Variants in ALG9 observed in about 807,000 individuals in gnomAD.
The protein encoded by ALG9 is alpha-1,2-mannosyltransferase ALG9.
A neutral mutation model predicts 81.8 loss-of-function variants in ALG9; 55 were observed. That is an observed-to-expected ratio of 0.67 (90% CI 0.54 to 0.84). ALG9 has a LOEUF of 0.84. ALG9 is among the 40% of genes least tolerant of loss of function. The pLI is 0.00. For synonymous variants in ALG9, 278 were observed against 274.3 expected (o/e 1.01, Z -0.13); for missense variants, 629 against 745.0 (o/e 0.84, Z 1.81).
At chr11:111,777,613 G>A (rs1488513446), downstream of ALG9, among the ~76,000 whole-genome samples, 1 of 151,752 alleles carries the variant, frequency 6.6e-6, no homozygotes, top group Non-Finnish European at 1.5e-5. Flanking sequence ...CTGTTTTCTA[G>A]AATATTCCCA....
the ALG9 span, among the ~76,000 whole-genome samples, chr11:111,773,117 G>A: frequency 2.0e-5 from 3 of 152,002 alleles, no homozygotes; most frequent in African/African-American, 7.3e-5. Context: ...TATTACAAAG[G>A]GCTCACTGAA....
In ALG9 at chr11:111,870,296, C is replaced by A; in HGVS notation, c.206G>T (p.Arg69Met). The part of the protein sequence containing the change: ...STAFKCLLSA[R>M]LCAALLSNIS... ...GTTGCTCAGGAGAGCAGCACATAAC[C>A]TTGCTGAAAGCAGACACTTGAAAGC... is the stretch of plus-strand genomic sequence containing the variant. The change falls in exon 2 of 15, where the codon AGG becomes ATG. Residue 69 changes from arginine (R) to methionine (M), a missense_variant. Physicochemically the swap from Arg to Met is moderately conservative, Grantham distance 91 (BLOSUM62 -1). Around this residue, in one of 3 missense-constraint regions of ALG9, gnomAD observed 344 missense variants for 390.5 expected, o/e 0.88. Transcript: ENST00000616540. The A allele has an allele frequency of 6.2e-7, 1 of 1,609,244 alleles. No homozygotes were observed.
At chr11:111,796,979 T>C (rs1555075850) in intron 14 of ALG9, among the ~76,000 whole-genome samples, 1 of 152,212 alleles carries the variant, frequency 6.6e-6, no homozygotes, top group Non-Finnish European at 1.5e-5. Flanking sequence ...AATAAGAAGT[T>C]GCAGATGGAA....
At chr11:111,803,140 T>A (rs1555081909) in intron 14 of ALG9, among the ~76,000 whole-genome samples, 1 of 152,202 alleles carries the variant, frequency 6.6e-6, no homozygotes, top group Non-Finnish European at 1.5e-5. Flanking sequence ...TTTGTGGATG[T>A]TGACAAACTG....
intron 14 of ALG9, among the ~76,000 whole-genome samples, chr11:111,797,380 C>T (rs2136280663): frequency 6.6e-6 from 1 of 152,362 alleles, no homozygotes; most frequent in South Asian, 2.1e-4. Flanking sequence ...CAGCTGAGAT[C>T]TAGCCAAGAG....
At chr11:111,851,495 AGAG>A (rs1225633305) in intron 8 of ALG9, among the ~76,000 whole-genome samples, 2 of 143,144 alleles carry the variant, frequency 1.4e-5, no homozygotes, top group African/African-American at 5.2e-5. Context: ...AAAAAAAAAA[AGAG>A]AGAGAGAGAT....
the ALG9 span, among the ~76,000 whole-genome samples, chr11:111,771,807 A>C: frequency 6.6e-6 from 1 of 152,236 alleles, no homozygotes; most frequent in Non-Finnish European, 1.5e-5. Flanking sequence ...GTATTTATGC[A>C]AAGTATGTCA....
intron 14 of ALG9, among the ~76,000 whole-genome samples, chr11:111,791,860 G>A (rs140325077): frequency 0.054 from 8,221 of 152,320 alleles, 746 homozygotes; most frequent in African/African-American, 0.19. Flanking sequence ...GGGAGGCCAA[G>A]GCGGGTGAAT....
chr11:111,864,569 C>T, intron 4 of ALG9: 1 of 554,908 alleles, frequency 1.8e-6, no homozygotes, highest in Non-Finnish European at 3.3e-6. Context: ...AGCACATGTG[C>T]TGTAATATAC....
intron 14 of ALG9, among the ~76,000 whole-genome samples, chr11:111,790,175 T>TA (rs1555069193): frequency 6.6e-6 from 1 of 151,960 alleles, no homozygotes. Flanking sequence ...CTACTAAAAA[T>TA]ACAAAAATTA....
chr11:111,837,596 A>T lies in ALG9; in HGVS notation c.1344T>A (p.Asp448Glu). Reference sequence around the variant, plus strand: ...CAATTCGGTAAAATTCTGGATACAAATCAAGGGGCCCGTGATATCCTGGAA... The same window carrying T: ...CAATTCGGTAAAATTCTGGATACAATTCAAGGGGCCCGTGATATCCTGGAA... The part of the protein sequence containing the change: ...ALFRGYHGPL[D>E]LYPEFYRIAT... The change falls in exon 12 of 15, where the codon GAT becomes GAA. Residue 448 changes from aspartate (D) to glutamate (E), a missense_variant. Asp to Glu is a conservative substitution (Grantham distance 45). This residue lies in a region of ALG9 where 264 missense variants were observed against 302.2 expected (regional missense o/e 0.87). Coordinates refer to ENST00000616540, the MANE Select transcript of ALG9 (RefSeq NM_024740.2). 6.2e-7 allele frequency: 1 copy of T among 1,614,134 alleles called. No individual in the cohort carries two copies. The highest frequency in any genetic ancestry group is 8.5e-7 in the Non-Finnish European group (1 of 1,179,982).
intron 13 of ALG9, among the ~76,000 whole-genome samples, chr11:111,811,542 CAAAAAAAAAAA>C (rs11305937): frequency 4.5e-5 from 4 of 89,046 alleles, no homozygotes; most frequent in African/African-American, 1.2e-4. Context: ...GACTCTGTCT[CAAAAAAAAAAA>C]AAAAAAAAGG....
intron 13 of ALG9, among the ~76,000 whole-genome samples, chr11:111,835,692 A>G (rs782255980): frequency 3.3e-5 from 5 of 152,248 alleles, no homozygotes; most frequent in Non-Finnish European, 5.9e-5. Flanking sequence ...TAATTTGAAA[A>G]TAAAAGTGAT....
intron 4 of ALG9, among the ~76,000 whole-genome samples, chr11:111,863,750 A>G (rs1555150065): frequency 6.6e-6 from 1 of 152,220 alleles, no homozygotes; most frequent in African/African-American, 2.4e-5. Flanking sequence ...TGTGAAAGAC[A>G]ATATATTGGG....
rs560447104 is a variant in ALG9 at position 111,864,560 on chromosome 11, G to A, written c.476+621C>T. 325 of 594,334 alleles carry A rather than the reference G, an allele frequency of 5.5e-4. 3 individuals are homozygous for A. The highest frequency in any genetic ancestry group is 1.5e-3 in the Admixed American group (52 of 35,744). The allele number at this position is 594,334 out of a possible 1,614,324, so 36.8% of individuals were successfully genotyped here. ...GCCTGTACAAAAGCTTATCCCTGTA[G>A]CACATGTGCTGTAATATACGAACTT... On this transcript the variant is annotated intron_variant, in intron 4 of 14. Coordinates refer to ENST00000616540, the MANE Select transcript of ALG9 (RefSeq NM_024740.2).
chr11:111,817,292 G>A (rs1425227481), intron 13 of ALG9: 1 of 152,220 alleles, frequency 6.6e-6, no homozygotes, highest in Non-Finnish European at 1.5e-5. Flanking sequence ...GAAAGTGTTG[G>A]AGGAAAAAGC....
chr11:111,820,646 T>C (rs1406146114), intron 13 of ALG9, among the ~76,000 whole-genome samples: 4 of 152,214 alleles, frequency 2.6e-5, no homozygotes, highest in African/African-American at 9.6e-5. Context: ...TCCCAATTGG[T>C]ATTTCTTGCC....
intron 6 of ALG9, 138 bp from the exon 7 acceptor site, chr11:111,853,874 G>A: frequency 3.9e-6 from 3 of 773,898 alleles, no homozygotes; most frequent in Non-Finnish European, 6.9e-6. Context: ...TATGTGAGAG[G>A]ATGTCGTCAC....
chr11:111,844,848 C>A, intron 8 of ALG9, 125 bp from the exon 9 acceptor site: 2 of 996,282 alleles, frequency 2.0e-6, no homozygotes, highest in Non-Finnish European at 3.2e-6. Context: ...AATGAGAGTG[C>A]ACAGCCCACT....
Sources: gnomAD v4.1 joint callset for allele counts (sites outside exome capture counted in the v4.1 genomes callset) on GRCh38, gnomAD v4.1.1 for gene constraint, gnomAD v4.1.1 regional missense constraint, MANE v1.5 for transcripts, NCBI Gene and HGNC (gene_info 2026-07-23, HGNC 2026-07-21) for gene names.